Variants in PCDHGA1 observed in about 807,000 individuals in gnomAD.
The protein encoded by PCDHGA1 is protocadherin gamma subfamily A, 1.
A neutral mutation model predicts 58.0 loss-of-function variants in PCDHGA1; 32 were observed. That is an observed-to-expected ratio of 0.55 (90% CI 0.42 to 0.74). The LOEUF (loss-of-function observed/expected upper bound fraction) is 0.74. Ranked by LOEUF, PCDHGA1 falls within the 30% of genes least tolerant of loss-of-function variation. PCDHGA1 has a pLI of 0.00. For synonymous variants in PCDHGA1, 498 were observed against 501.1 expected (o/e 0.99, Z 0.08); for missense variants, 1,205 against 1,182.3 (o/e 1.02, Z -0.28).
intron 1 of PCDHGA1, among the ~76,000 whole-genome samples, chr5:141,397,514 A>G (rs537343615): frequency 1.3e-5 from 2 of 152,324 alleles, no homozygotes; most frequent in Non-Finnish European, 2.9e-5. Context: ...TTGTTTCCAT[A>G]GCTAATAAAA....
rs532318617 is a variant in PCDHGA1, at chr5:141,384,539, C to T, written c.2421+51434C>T. On this transcript the variant is annotated intron_variant, in intron 1 of 3. Coordinates refer to ENST00000517417, the MANE Select transcript of PCDHGA1 (RefSeq NM_018912.3). ...GACCCGCCTCTCAGCAGCAACATGT[C>T]ACTGAGCCTGTTCGTGCTGGACCAG... 44 of 1,614,240 alleles carry T rather than the reference C, an allele frequency of 2.7e-5. No homozygotes were observed. The South Asian group carries it at 4.1e-4, about 15-fold the overall frequency.
chr5:141,422,876 G>A (rs2096681830), intron 1 of PCDHGA1: 1 of 1,614,248 alleles, frequency 6.2e-7, no homozygotes, highest in Non-Finnish European at 8.5e-7. Context: ...GTGTCGCTGA[G>A]CCTGTTCGTG....
At chr5:141,341,841 A>G in intron 1 of PCDHGA1, 1 of 188,084 alleles carries the variant, frequency 5.3e-6, no homozygotes, top group South Asian at 1.4e-4. Context: ...GAAACATGTT[A>G]GTTGGCTAGT....
chr5:141,418,478 G>C (rs777772131), intron 1 of PCDHGA1: 1 of 1,613,976 alleles, frequency 6.2e-7, no homozygotes, highest in Non-Finnish European at 8.5e-7. Context: ...AACGCAGAGC[G>C]CTCACCACTT....
intron 1 of PCDHGA1, chr5:141,357,111 G>A (rs1377471410): frequency 1.2e-6 from 2 of 1,613,722 alleles, no homozygotes; most frequent in African/African-American, 2.7e-5. Context: ...ACAGAGACGC[G>A]CTCAAGCAGA....
intron 1 of PCDHGA1, chr5:141,350,513 G>C (rs750772635): frequency 1.9e-6 from 3 of 1,613,874 alleles, no homozygotes; most frequent in South Asian, 2.2e-5. Context: ...GTTAGTGAAC[G>C]GTAGGATAGA....
chr5:141,356,292 A>G, intron 1 of PCDHGA1: 1 of 1,555,616 alleles, frequency 6.4e-7, no homozygotes, highest in Non-Finnish European at 8.7e-7. Flanking sequence ...CCCCGGGTAC[A>G]GTAATTGCAC....
Position 141,432,388 on chromosome 5 carries a change from C to T in PCDHGA1, c.2422-62419C>T. The T allele has an allele frequency of 6.2e-7, 1 of 1,614,258 alleles. No homozygotes were observed. The highest frequency in any genetic ancestry group is 2.2e-5 in the East Asian group (1 of 44,892). The stretch of plus-strand genomic sequence containing the variant: ...GGGACAACGGGCACCCGCCCCTCAG[C>T]AGCAACGTGTCGTTGAGCCTGTTCG... On this transcript the variant is annotated intron_variant, in intron 1 of 3. Transcript: ENST00000517417. This position sits in a 1 kb window ranked among gnomAD's most constrained non-coding sequence, Gnocchi z 6.0.
At chr5:141,423,140 C>T (rs760216287) in intron 1 of PCDHGA1, 7 of 1,613,498 alleles carry the variant, frequency 4.3e-6, no homozygotes, top group Non-Finnish European at 2.5e-6. Flanking sequence ...GACAGAGACG[C>T]GCTCAAGCAG....
intron 1 of PCDHGA1, chr5:141,383,588 T>C: frequency 6.2e-7 from 1 of 1,613,646 alleles, no homozygotes; most frequent in Non-Finnish European, 8.5e-7. Context: ...CACATCCAGG[T>C]GACAGTGGTG....
At chr5:141,403,223 G>C (rs1414315950) in intron 1 of PCDHGA1, 2 of 1,613,968 alleles carry the variant, frequency 1.2e-6, no homozygotes, top group Non-Finnish European at 8.5e-7. Flanking sequence ...GGGTAGGATA[G>C]ACCGGGAGGA....
At chr5:141,346,518 C>T (rs750717219) in intron 1 of PCDHGA1, 8 of 1,596,460 alleles carry the variant, frequency 5.0e-6, no homozygotes, top group South Asian at 1.1e-5. Flanking sequence ...TATTATAAAG[C>T]TTTAACACAT....
intron 2 of PCDHGA1, among the ~76,000 whole-genome samples, chr5:141,500,359 C>T (rs2099799599): frequency 6.6e-6 from 1 of 152,032 alleles, no homozygotes; most frequent in Non-Finnish European, 1.5e-5. Flanking sequence ...CAGGCGCCCA[C>T]TACCACGCCC....
At chr5:141,426,096 T>C (rs1296875718) in intron 1 of PCDHGA1, among the ~76,000 whole-genome samples, 6 of 152,230 alleles carry the variant, frequency 3.9e-5, no homozygotes, top group Non-Finnish European at 8.8e-5. Flanking sequence ...GATATTCTGT[T>C]CAGTCACAGA....
chr5:141,402,799 C>A (rs1248030162), intron 1 of PCDHGA1: 2 of 1,061,840 alleles, frequency 1.9e-6, no homozygotes, highest in Non-Finnish European at 2.6e-6. Flanking sequence ...TACACAAAAC[C>A]CGGCAGATAC....
At chr5:141,376,380 G>C in intron 1 of PCDHGA1, 4 of 1,614,214 alleles carry the variant, frequency 2.5e-6, no homozygotes, top group Non-Finnish European at 3.4e-6. Flanking sequence ...TCGCGTAAGA[G>C]TCATCTGATT....
At chr5:141,429,599 A>G (rs2097227286) in intron 1 of PCDHGA1, among the ~76,000 whole-genome samples, 1 of 152,238 alleles carries the variant, frequency 6.6e-6, no homozygotes, top group Non-Finnish European at 1.5e-5. Flanking sequence ...TAATTCAAGT[A>G]AACTCAATTT....
intron 1 of PCDHGA1, among the ~76,000 whole-genome samples, chr5:141,443,696 T>C (rs1293017505): frequency 6.6e-6 from 1 of 152,308 alleles, no homozygotes; most frequent in Admixed American, 6.5e-5. Context: ...TCAAAAATTA[T>C]AGAATAACAT....
intron 1 of PCDHGA1, chr5:141,355,598 T>G (rs749684792): frequency 6.2e-7 from 1 of 1,613,952 alleles, no homozygotes; most frequent in Non-Finnish European, 8.5e-7. Flanking sequence ...CCACCCAGTT[T>G]TGGGACAGAA....
Sources: allele counts gnomAD v4.1 joint callset (sites outside exome capture counted in the v4.1 genomes callset), GRCh38; gene constraint gnomAD v4.1.1; non-coding constraint Gnocchi (gnomAD v3.1); transcripts MANE v1.5; gene names NCBI Gene and HGNC (gene_info 2026-07-23, HGNC 2026-07-21).